AP4E1: variants seen among roughly 807,000 people sequenced by gnomAD.
The protein encoded by AP4E1 is adaptor related protein complex 4 subunit epsilon 1, also known as AP-4 complex subunit epsilon-1.
In AP4E1, 56 loss-of-function variants were observed where a neutral mutation model predicts 128.2. The ratio of observed to expected loss-of-function variants is 0.44; its 90% CI spans 0.35 to 0.55. The LOEUF is 0.55. Ranked by LOEUF, AP4E1 falls within the 20% of genes least tolerant of loss-of-function variation. The pLI is 0.00. For synonymous variants in AP4E1, 484 were observed against 473.1 expected (o/e 1.02, Z -0.30); for missense variants, 1,324 against 1,307.7 (o/e 1.01, Z -0.19).
At chr15:50,966,286 T>G (rs1175637116) in intron 14 of AP4E1, among the ~76,000 whole-genome samples, 1 of 152,172 alleles carries the variant, frequency 6.6e-6, no homozygotes, top group African/African-American at 2.4e-5. Flanking sequence ...AGGTTATTAT[T>G]TCCACTAATT....
chr15:50,924,707 G>C (rs1400054733), intron 4 of AP4E1, among the ~76,000 whole-genome samples: 1 of 152,130 alleles, frequency 6.6e-6, no homozygotes, highest in Non-Finnish European at 1.5e-5. Flanking sequence ...ATGAATGTGT[G>C]CATTTTATTG....
chr15:50,945,249 G>A (rs1258083564), intron 10 of AP4E1: 2 of 785,512 alleles, frequency 2.5e-6, no homozygotes, highest in Non-Finnish European at 4.7e-6. Context: ...CTGGGGATTT[G>A]ACAGTGTAAG....
chr15:50,959,675 A>G (rs2064283226), intron 14 of AP4E1, among the ~76,000 whole-genome samples: 1 of 152,214 alleles, frequency 6.6e-6, no homozygotes, highest in African/African-American at 2.4e-5. Context: ...GGAATCAAAT[A>G]TTATCATCAC....
upstream of AP4E1, chr15:50,908,614 T>G (rs1026493869): frequency 2.1e-6 from 2 of 942,718 alleles, no homozygotes; most frequent in Non-Finnish European, 2.9e-6. Flanking sequence ...TCTGGTGGCC[T>G]CTCGCGAGAA....
rs963320710 is a variant in AP4E1, at chr15:50,945,246, T to A, written c.1177-2774T>A. ...TCCTGTATGTTCAATGACCTGGGGATTTGACAGTGTAAGTAGTGTTAAATT... is the reference window on the plus strand; with the variant it reads ...TCCTGTATGTTCAATGACCTGGGGAATTGACAGTGTAAGTAGTGTTAAATT... On this transcript the variant is annotated intron_variant, in intron 10 of 20. Transcript: ENST00000261842. 17 of 786,248 alleles carry A rather than the reference T, an allele frequency of 2.2e-5. No homozygotes were observed. In the African/African-American group the frequency reaches 2.9e-4, roughly 13 times the overall value. The allele number at this position is 786,248 out of a possible 1,614,324, so 48.7% of individuals were successfully genotyped here.
chr15:50,985,696 C>G (rs935929539), intron 16 of AP4E1, among the ~76,000 whole-genome samples: 3 of 152,176 alleles, frequency 2.0e-5, no homozygotes, highest in Admixed American at 2.0e-4. Flanking sequence ...CAGTACCATG[C>G]TGTTTTGGTT....
intron 19 of AP4E1, 125 bp downstream of exon 19, chr15:50,999,387 C>T (rs948781257): frequency 9.7e-5 from 70 of 719,720 alleles, no homozygotes; most frequent in Non-Finnish European, 1.5e-4. Flanking sequence ...ACGCACAGTT[C>T]CTACGTTAGA....
At chr15:50,928,088 C>A (rs1225952162) in intron 5 of AP4E1, among the ~76,000 whole-genome samples, 1 of 152,104 alleles carries the variant, frequency 6.6e-6, no homozygotes, top group Non-Finnish European at 1.5e-5. Flanking sequence ...ATATACTTTT[C>A]TCTTTATTAT....
At chr15:50,992,818 T>G (rs899268633) in intron 16 of AP4E1, among the ~76,000 whole-genome samples, 1 of 152,162 alleles carries the variant, frequency 6.6e-6, no homozygotes, top group Admixed American at 6.5e-5. Flanking sequence ...TTAAAGTAAA[T>G]TTATGGGGAG....
chr15:50,967,843 T>C (rs1330076694), intron 14 of AP4E1, among the ~76,000 whole-genome samples: 1 of 152,180 alleles, frequency 6.6e-6, no homozygotes, highest in African/African-American at 2.4e-5. Context: ...GACAGAATCT[T>C]GTTCTGTTGC....
At chr15:50,984,218 G>C in intron 16 of AP4E1, 73 bp downstream of exon 16, 2 of 1,543,406 alleles carry the variant, frequency 1.3e-6, no homozygotes, top group Non-Finnish European at 1.8e-6. Context: ...TTTGCCTTCT[G>C]CTCCTGCCTC....
chr15:50,909,344 C>G (rs892082321), intron 1 of AP4E1, among the ~76,000 whole-genome samples: 2 of 151,938 alleles, frequency 1.3e-5, no homozygotes, highest in Admixed American at 1.3e-4. Flanking sequence ...GTTTTTTTTC[C>G]CTACTCAGTT....
At chr15:50,942,596 ATGTC>A (rs970556648) in intron 10 of AP4E1, among the ~76,000 whole-genome samples, 21 of 149,784 alleles carry the variant, frequency 1.4e-4, no homozygotes, top group African/African-American at 4.6e-4. Context: ...ATCATCATAT[ATGTC>A]TGTATATTAT....
In AP4E1 at chr15:50,929,010, G is replaced by C; in HGVS notation, c.544G>C (p.Glu182Gln). Residue 182 changes from glutamate to glutamine, a missense_variant and splice_region_variant, in exon 6 of 21, where the codon GAG becomes CAG. Physicochemically the swap from Glu to Gln is conservative, Grantham distance 29. Transcript: ENST00000261842. ...LIEDKLQHSK[E>Q]IVRRKAVLAL... ...TTAAATTTCATTTTTTGTCTTCAGGGAGATTGTACGAAGAAAAGCTGTTCT... is the reference window on the plus strand; with the variant it reads ...TTAAATTTCATTTTTTGTCTTCAGGCAGATTGTACGAAGAAAAGCTGTTCT... 1 of 1,613,620 alleles carries C rather than the reference G, an allele frequency of 6.2e-7. No individual in the cohort carries two copies. The highest frequency in any genetic ancestry group is 8.5e-7 in the Non-Finnish European group (1 of 1,179,798).
intron 8 of AP4E1, among the ~76,000 whole-genome samples, chr15:50,938,723 A>G (rs1332156683): frequency 1.3e-5 from 2 of 152,128 alleles, no homozygotes; most frequent in Non-Finnish European, 2.9e-5. Flanking sequence ...CCACTCCCTC[A>G]TAGTGTCACT....
chr15:50,986,580 C>G (rs1488303174), intron 16 of AP4E1, among the ~76,000 whole-genome samples: 1 of 152,088 alleles, frequency 6.6e-6, no homozygotes, highest in African/African-American at 2.4e-5. Context: ...TGGTTTTTGT[C>G]TTTGGTTCTG....
At chr15:50,912,967 C>T (rs2063582751) in intron 2 of AP4E1, among the ~76,000 whole-genome samples, 1 of 152,028 alleles carries the variant, frequency 6.6e-6, no homozygotes, top group South Asian at 2.1e-4. Flanking sequence ...CCGTGCCTGG[C>T]CTGATTTTTT....
chr15:50,955,296 C>T (rs755114669), intron 13 of AP4E1, among the ~76,000 whole-genome samples: 14 of 152,292 alleles, frequency 9.2e-5, no homozygotes, highest in South Asian at 2.1e-4. Context: ...ACAGTCCCAC[C>T]GACAGTGTGA....
In AP4E1 at chr15:51,002,533, C is replaced by CCCAT. The variant is rs1321307205; in HGVS notation, c.3292_3295dup (p.Pro1099HisfsTer27). The CCCAT allele has an allele frequency of 6.2e-7, 1 of 1,614,134 alleles. No individual in the cohort carries two copies. Among genetic ancestry groups the CCCAT allele is most frequent in the South Asian group, 1.1e-5 (1 of 91,070 alleles). On this transcript the variant is annotated frameshift_variant, in exon 21 of 21. Coordinates refer to ENST00000261842, the MANE Select transcript of AP4E1 (RefSeq NM_007347.5). LOFTEE classifies it high-confidence loss of function. ...AAGGGCTATTGGCCTGTCAGCTGCT[C>CCCAT]CCATCCATCCCCTGCTTACTGCATT... is the stretch of plus-strand genomic sequence containing the variant.
Sources: allele counts gnomAD v4.1 joint callset (sites outside exome capture counted in the v4.1 genomes callset), GRCh38; gene constraint gnomAD v4.1.1; transcripts MANE v1.5; gene names NCBI Gene and HGNC (gene_info 2026-07-23, HGNC 2026-07-21).